The following PBX1 variants were observed in gnomAD, a reference collection of about 807,000 sequenced individuals.
PBX1 encodes the protein pre-B-cell leukemia transcription factor 1.
Under a neutral mutation model 53.4 loss-of-function variants are expected in PBX1, and 6 were observed. That is an observed-to-expected ratio of 0.11 (90% CI 0.06 to 0.22). The LOEUF (loss-of-function observed/expected upper bound fraction) is 0.22. PBX1 is among the 10% of genes least tolerant of loss of function. PBX1 has a pLI of 1.00. For synonymous variants in PBX1, 204 were observed against 212.3 expected (o/e 0.96, Z 0.34); for missense variants, 251 against 551.4 (o/e 0.46, Z 5.46).
chr1:164,624,117 T>A (rs1196359452), intron 2 of PBX1, among the ~76,000 whole-genome samples: 3 of 152,224 alleles, frequency 2.0e-5, no homozygotes, highest in Non-Finnish European at 4.4e-5. Flanking sequence ...GGGCTAACTG[T>A]ATCTGAAGAA....
At chr1:164,776,343 C>G (rs1207364531) in intron 2 of PBX1, among the ~76,000 whole-genome samples, 4 of 152,136 alleles carry the variant, frequency 2.6e-5, no homozygotes, top group Admixed American at 6.5e-5. Flanking sequence ...AAAGGCAGAA[C>G]AGAAAAGCTG....
chr1:164,612,177 A>T (rs1415014653), intron 2 of PBX1, among the ~76,000 whole-genome samples: 1 of 152,072 alleles, frequency 6.6e-6, no homozygotes, highest in African/African-American at 2.4e-5. Context: ...GGTAGGTTGT[A>T]ATAAAGCTTT....
chr1:164,822,702 A>G (rs1670219149), intron 8 of PBX1, among the ~76,000 whole-genome samples: 2 of 152,194 alleles, frequency 1.3e-5, no homozygotes. Context: ...CTTACCTCAT[A>G]AAAGAGAAAA....
At chr1:164,767,705 C>A (rs951648652) in intron 2 of PBX1, among the ~76,000 whole-genome samples, 1 of 151,536 alleles carries the variant, frequency 6.6e-6, no homozygotes, top group Non-Finnish European at 1.5e-5. Context: ...AGATTTGGTT[C>A]ATTTTCAAGT....
At chr1:164,634,967 A>G (rs900587573) in intron 2 of PBX1, among the ~76,000 whole-genome samples, 7 of 151,996 alleles carry the variant, frequency 4.6e-5, no homozygotes, top group Non-Finnish European at 1.0e-4. Context: ...GCCTGCCTGT[A>G]GAGATGGCAA....
intron 1 of PBX1, chr1:164,562,983 C>T: frequency 8.7e-6 from 2 of 230,024 alleles, no homozygotes; most frequent in Non-Finnish European, 1.7e-5. Flanking sequence ...AAAAAAAACC[C>T]TTTCCCTAAA....
intron 2 of PBX1, among the ~76,000 whole-genome samples, chr1:164,622,897 C>T (rs1023120483): frequency 6.7e-6 from 1 of 149,852 alleles, no homozygotes; most frequent in African/African-American, 2.5e-5. Context: ...TCACTGCAAC[C>T]TCTGCCTCCC....
In PBX1 at chr1:164,845,772, T is replaced by G. The variant is rs182498788; in HGVS notation, c.1201-812T>G. 9.2e-5 allele frequency among the ~76,000 whole-genome samples: 14 copies of G among 152,260 alleles called. No individual in the cohort carries two copies. In the East Asian group the frequency reaches 2.5e-3, roughly 27 times the overall value. ...TATTGATCAAGCCTATACCTTCCCGTCTCACCACCTCTCTGGATATATTCA... is the reference window on the plus strand; with the variant it reads ...TATTGATCAAGCCTATACCTTCCCGGCTCACCACCTCTCTGGATATATTCA... On this transcript the variant is annotated intron_variant, in intron 8 of 8. Transcript: ENST00000420696.
At chr1:164,776,911 G>A (rs12567366) in intron 2 of PBX1, among the ~76,000 whole-genome samples, 21,426 of 132,036 alleles carry the variant, frequency 0.16, 1,746 homozygotes, top group Non-Finnish European at 0.19. Context: ...GTGTGTGTGT[G>A]TGTGTGTGTG....
intron 2 of PBX1, among the ~76,000 whole-genome samples, chr1:164,624,374 T>G (rs1657900265): frequency 6.6e-6 from 1 of 152,198 alleles, no homozygotes; most frequent in Non-Finnish European, 1.5e-5. Context: ...ATTTTGATAG[T>G]ATTGGTAGGA....
rs1000258201 is a variant in PBX1 at position 164,785,098 on chromosome 1, C to T, written c.266-7396C>T. ...AGCTTCTCATCTGAAGAGGCCGCTC[C>T]AGGCCTACTGCAGCATCCAGGGTCT... On this transcript the variant is annotated intron_variant, in intron 2 of 8. Coordinates refer to ENST00000420696, the MANE Select transcript of PBX1 (RefSeq NM_002585.4). Among the ~76,000 whole-genome samples the T allele has an allele frequency of 2.6e-5, 4 of 152,168 alleles. No individual in the cohort carries two copies. In the East Asian group the frequency reaches 7.7e-4, roughly 29 times the overall value.
chr1:164,758,389 C>T (rs754993149), intron 2 of PBX1, among the ~76,000 whole-genome samples: 5 of 152,138 alleles, frequency 3.3e-5, no homozygotes, highest in South Asian at 2.1e-4. Context: ...AGTGACACTG[C>T]GAGCTGCAGG....
intron 2 of PBX1, chr1:164,700,811 G>T (rs1302950089): frequency 2.3e-6 from 2 of 853,686 alleles, no homozygotes; most frequent in Non-Finnish European, 2.8e-6. Flanking sequence ...TTGTGTTTTG[G>T]TGGTGGCCAG....
chr1:164,846,710 C>T lies in PBX1; in HGVS notation c.*34C>T. 1 of 1,613,982 alleles carries T rather than the reference C, an allele frequency of 6.2e-7. No homozygotes were observed. Among genetic ancestry groups the T allele is most frequent in the East Asian group, 2.2e-5 (1 of 44,836 alleles). ...CAATCGCATCCCGGCTGACCCTGTGCCCCAGTTGGGGCAGGGGCAGGAGGG... is the reference window on the plus strand; with the variant it reads ...CAATCGCATCCCGGCTGACCCTGTGTCCCAGTTGGGGCAGGGGCAGGAGGG... On this transcript the variant is annotated 3_prime_UTR_variant, in exon 9 of 9. Transcript: ENST00000420696.
chr1:164,568,308 T>C (rs1653578849), intron 2 of PBX1, among the ~76,000 whole-genome samples: 1 of 146,308 alleles, frequency 6.8e-6, no homozygotes, highest in African/African-American at 2.6e-5. Flanking sequence ...GTGAAGCGAA[T>C]CTAAATATTC....
chr1:164,577,416 T>TA (rs1187128319), intron 2 of PBX1, among the ~76,000 whole-genome samples: 1 of 152,122 alleles, frequency 6.6e-6, no homozygotes, highest in Non-Finnish European at 1.5e-5. Flanking sequence ...CTTCAGAAAA[T>TA]AGAGAATTGA....
chr1:164,666,346 C>CATT lies in PBX1; in HGVS notation c.265+103048_265+103050dup, dbSNP rs1036427870. ...CAAATGCTAACAAAAGGCTTAAGTC[C>CATT]ATTATTATTATTATTCTTATTTGTT... On this transcript the variant is annotated intron_variant, in intron 2 of 8. Transcript: ENST00000420696. Among the ~76,000 whole-genome samples the CATT allele has an allele frequency of 1.1e-4, 16 of 152,208 alleles. No homozygotes were observed. The East Asian group carries it at 1.4e-3, about 13-fold the overall frequency.
intron 2 of PBX1, among the ~76,000 whole-genome samples, chr1:164,658,435 A>G (rs542959630): frequency 2.5e-4 from 38 of 152,348 alleles, no homozygotes; most frequent in Non-Finnish European, 4.9e-4. Context: ...ATAAGTACAG[A>G]TAATTACTAG....
chr1:164,622,285 C>T (rs554914225), intron 2 of PBX1, among the ~76,000 whole-genome samples: 10 of 145,812 alleles, frequency 6.9e-5, no homozygotes, highest in Admixed American at 2.0e-4. Context: ...TCTCTCTGGG[C>T]CGCACTGTTG....
Sources: allele counts gnomAD v4.1 joint callset (sites outside exome capture counted in the v4.1 genomes callset), GRCh38; gene constraint gnomAD v4.1.1; transcripts MANE v1.5; gene names NCBI Gene and HGNC (gene_info 2026-07-23, HGNC 2026-07-21).